Variants in EHMT1 observed in about 807,000 individuals in gnomAD.
EHMT1 encodes euchromatic histone lysine methyltransferase 1.
Under a neutral mutation model 147.2 loss-of-function variants are expected in EHMT1, and 15 were observed. That is an observed-to-expected ratio of 0.10 (90% CI 0.07 to 0.16). The LOEUF (loss-of-function observed/expected upper bound fraction) is 0.16. EHMT1 is among the 10% of genes least tolerant of loss of function. The pLI, the probability that EHMT1 is intolerant of heterozygous loss-of-function variation, is 1.00. For synonymous variants in EHMT1, 795 were observed against 709.6 expected, an observed-to-expected ratio of 1.12 and a Z score of -1.91; for missense variants, 1,587 against 1,772.4, an observed-to-expected ratio of 0.90 and a Z score of 1.88.
chr9:137,804,688 A>G lies in EHMT1; in HGVS notation c.2712+3704A>G, dbSNP rs190165794. On this transcript the variant is annotated intron_variant, in intron 18 of 26. Coordinates refer to ENST00000460843, the MANE Select transcript of EHMT1 (RefSeq NM_024757.5). ...CAAAGATATTCTCCCACATTTTCTT[A>G]TACGAGTTTTATGGTTTGGGGGTTT... Among the ~76,000 whole-genome samples, 66 of 152,232 alleles carry G rather than the reference A, an allele frequency of 4.3e-4. 2 individuals are homozygous for G. The highest frequency in any genetic ancestry group is 3.9e-3 in the Admixed American group (59 of 15,296).
chr9:137,643,283 G>A (rs1844625903), intron 1 of EHMT1, among the ~76,000 whole-genome samples: 1 of 130,736 alleles, frequency 7.6e-6, no homozygotes, highest in African/African-American at 2.9e-5. Flanking sequence ...CTCTACTTTT[G>A]TTTATCTTGG....
Position 137,717,115 on chromosome 9 carries a change from C to T in EHMT1, c.575C>T (p.Pro192Leu), listed in dbSNP as rs35285441. ...GCTGACACAGAGGACAGGAAGCTCC[C>T]GGCCCCTGGCGCCGACGTCAAGGTC... Reference protein sequence around the residue: ...GSADTEDRKLPAPGADVKVHR... With the variant: ...GSADTEDRKLLAPGADVKVHR... The change falls in exon 3 of 27, where the codon CCG becomes CTG. Residue 192 changes from proline to leucine, a missense_variant. Coordinates refer to ENST00000460843, the MANE Select transcript of EHMT1 (RefSeq NM_024757.5). 5.0e-5 allele frequency: 80 copies of T among 1,612,400 alleles called. No homozygotes were observed. The highest frequency in any genetic ancestry group is 1.1e-4 in the East Asian group (5 of 44,892).
rs1316577610 is a variant in EHMT1, at chr9:137,779,574, C to T, written c.2193-61C>T. 5 of 1,591,374 alleles carry T rather than the reference C, an allele frequency of 3.1e-6. No homozygotes were observed. In the South Asian group the frequency reaches 3.3e-5, roughly 11 times the overall value. ...GGAGATGTCCGCCGGGCCTTCCAGC[C>T]TTCAGCTTCATGTGTGGGATGCAGA... On this transcript the variant is annotated intron_variant, in intron 13 of 26. Transcript: ENST00000460843.
At chr9:137,831,481 AG>A (rs1956184583) in intron 25 of EHMT1, among the ~76,000 whole-genome samples, 2 of 152,262 alleles carry the variant, frequency 1.3e-5, no homozygotes. Flanking sequence ...ACCTGTCATT[AG>A]GCAAATCTCT....
chr9:137,769,180 T>C (rs2136500235), intron 10 of EHMT1, among the ~76,000 whole-genome samples: 1 of 152,334 alleles, frequency 6.6e-6, no homozygotes, highest in African/African-American at 2.4e-5. Flanking sequence ...TTACAGTAGG[T>C]CCTGTCTTGT....
chr9:137,784,440 T>C lies in EHMT1; in HGVS notation c.2382+2043T>C, dbSNP rs189893424. 99 of 1,170,816 alleles carry C rather than the reference T, an allele frequency of 8.5e-5. No homozygotes were observed. The African/African-American group carries it at 1.4e-3, about 17-fold the overall frequency. 72.5% of individuals were successfully genotyped at this position (1,170,816 alleles called of 1,614,324 possible). A position where few individuals can be genotyped will look rare whatever the true frequency, so the allele number is the denominator to read the frequency against. The stretch of plus-strand genomic sequence containing the variant: ...TACTTTTTTGGTCGTTCGTGCATCT[T>C]TTGAATTGGTTTTATTTCGATTTTG... On this transcript the variant is annotated intron_variant, in intron 15 of 26. Transcript: ENST00000460843.
chr9:137,684,374 T>C (rs1392714256), intron 1 of EHMT1, among the ~76,000 whole-genome samples: 2 of 152,158 alleles, frequency 1.3e-5, no homozygotes, highest in Non-Finnish European at 2.9e-5. Flanking sequence ...AATAGAAAAG[T>C]TGCAAGTGTG....
At chr9:137,814,072 G>A (rs796278194) in intron 21 of EHMT1, among the ~76,000 whole-genome samples, 23 of 15,354 alleles carry the variant, frequency 1.5e-3, no homozygotes, top group African/African-American at 2.5e-3. Context: ...CCCCCCCCCC[G>A]CCCCCCGCCC....
At chr9:137,743,285 G>A (rs1948262103) in intron 4 of EHMT1, 86 bp from the exon 5 acceptor site, 2 of 1,503,858 alleles carry the variant, frequency 1.3e-6, no homozygotes, top group South Asian at 1.3e-5. Flanking sequence ...ATCAAGTTTT[G>A]TAAACTGTCT....
intron 25 of EHMT1, among the ~76,000 whole-genome samples, chr9:137,830,676 C>T (rs932598247): frequency 6.6e-6 from 1 of 152,210 alleles, no homozygotes; most frequent in Admixed American, 6.5e-5. Context: ...GGAAGCTGGG[C>T]CCAGTCTTGT....
At chr9:137,630,695 C>T (rs1354418774) in intron 1 of EHMT1, among the ~76,000 whole-genome samples, 7 of 152,044 alleles carry the variant, frequency 4.6e-5, no homozygotes, top group South Asian at 2.1e-4. Context: ...GACGTGCATT[C>T]GTATCTTCAG....
chr9:137,657,286 G>A (rs1363861930), intron 1 of EHMT1, among the ~76,000 whole-genome samples: 1 of 152,140 alleles, frequency 6.6e-6, no homozygotes, highest in Non-Finnish European at 1.5e-5. Context: ...TCTCCTAGAG[G>A]GACCACTGGG....
At chr9:137,759,059 A>G (rs1252559097) in intron 9 of EHMT1, among the ~76,000 whole-genome samples, 1 of 151,836 alleles carries the variant, frequency 6.6e-6, no homozygotes, top group Non-Finnish European at 1.5e-5. Flanking sequence ...CCCAGGAAGC[A>G]GAGCTTGCAA....
At chr9:137,728,179 C>T (rs1272621334) in intron 3 of EHMT1, among the ~76,000 whole-genome samples, 170 bp from the exon 4 acceptor site, 4 of 152,210 alleles carry the variant, frequency 2.6e-5, no homozygotes, top group Admixed American at 6.5e-5. Context: ...ACTAGGCACA[C>T]GTGAGGACAG....
intron 16 of EHMT1, among the ~76,000 whole-genome samples, chr9:137,792,410 T>C (rs570289488): frequency 1.3e-5 from 2 of 152,234 alleles, no homozygotes; most frequent in East Asian, 1.9e-4. Flanking sequence ...ATTCAAAAAT[T>C]AATGGAAAAT....
At chr9:137,804,961 G>A (rs889031993) in intron 18 of EHMT1, among the ~76,000 whole-genome samples, 13 of 151,976 alleles carry the variant, frequency 8.6e-5, no homozygotes, top group East Asian at 3.9e-4. Flanking sequence ...GTATGAGTCC[G>A]TCCATGTGTG....
chr9:137,779,368 G>A (rs954628515), intron 13 of EHMT1, among the ~76,000 whole-genome samples: 6 of 152,382 alleles, frequency 3.9e-5, no homozygotes, highest in Non-Finnish European at 7.3e-5. Flanking sequence ...CTCACAGTGC[G>A]TAGTGTTCTC....
chr9:137,788,006 A>C, intron 15 of EHMT1: 1 of 1,451,144 alleles, frequency 6.9e-7, no homozygotes. Context: ...GTAAGTGGAG[A>C]GGCCAGGCCC....
intron 18 of EHMT1, chr9:137,803,338 C>A: frequency 1.0e-6 from 1 of 979,974 alleles, no homozygotes; most frequent in Non-Finnish European, 1.2e-6. Flanking sequence ...TCCCTCATGC[C>A]CTGATGATCT....
Sources: allele counts gnomAD v4.1 joint callset (sites outside exome capture counted in the v4.1 genomes callset), GRCh38; gene constraint gnomAD v4.1.1; transcripts MANE v1.5; gene names NCBI Gene and HGNC (gene_info 2026-07-23, HGNC 2026-07-21).